The following ABCG8 variants were observed in gnomAD, a reference collection of about 807,000 sequenced individuals.
ABCG8 encodes the protein ATP binding cassette subfamily G member 8, also known as ATP-binding cassette sub-family G member 8.
A neutral mutation model predicts 71.3 loss-of-function variants in ABCG8; 81 were observed. The ratio of observed to expected loss-of-function variants is 1.14; its 90% confidence interval spans 0.95 to 1.37. The LOEUF (loss-of-function observed/expected upper bound fraction) is 1.37, where lower values mean the gene tolerates loss of function less well. ABCG8 is among the 40% of genes most tolerant of loss of function. The probability of loss-of-function intolerance (pLI) is 0.00; values close to 1 mark genes in which losing one functional copy is unlikely to be tolerated. For synonymous variants in ABCG8, 451 were observed against 354.7 expected, an observed-to-expected ratio of 1.27 and a Z score of -3.05; for missense variants, 1,119 against 866.2, an observed-to-expected ratio of 1.29 and a Z score of -3.66.
chr2:43,841,167 G>A (rs559211104), intron 1 of ABCG8, among the ~76,000 whole-genome samples: 3 of 152,198 alleles, frequency 2.0e-5, no homozygotes, highest in Admixed American at 6.5e-5. Context: ...AGCCGTGAGT[G>A]TCAGCACATC....
chr2:43,840,281 C>A (rs1389503522), intron 1 of ABCG8, among the ~76,000 whole-genome samples: 1 of 152,234 alleles, frequency 6.6e-6, no homozygotes, highest in Admixed American at 6.5e-5. Context: ...ACCACCACAT[C>A]TGACCAGCTC....
chr2:43,851,777 G>T lies in ABCG8; in HGVS notation c.516G>T (p.Gln172His). 6.2e-7 allele frequency: 1 copy of T among 1,614,234 alleles called. No homozygotes were observed. Among genetic ancestry groups the T allele is most frequent in the Non-Finnish European group, 8.5e-7 (1 of 1,180,042 alleles). ...GAGAGACCTTGGCCTTCATTGCCCA[G>T]ATGCGGCTGCCCAGAACCTTCTCCC... The part of the protein sequence containing the change: ...TVRETLAFIA[Q>H]MRLPRTFSQA... The change falls in exon 4 of 13, where the codon CAG becomes CAT. Residue 172 changes from glutamine (Q) to histidine (H), a missense_variant. Physicochemically the swap from Gln to His is conservative, Grantham distance 24 (BLOSUM62 0). Transcript: ENST00000272286.
chr2:43,861,846 A>G (rs865870987), intron 6 of ABCG8, among the ~76,000 whole-genome samples: 3 of 150,856 alleles, frequency 2.0e-5, no homozygotes, highest in Admixed American at 1.3e-4. Flanking sequence ...AACTCTCACT[A>G]TCTATCTGGA....
intron 6 of ABCG8, among the ~76,000 whole-genome samples, chr2:43,858,639 T>A (rs1669195506): frequency 6.6e-6 from 1 of 151,436 alleles, no homozygotes; most frequent in Admixed American, 6.6e-5. Flanking sequence ...GAATTCCCAC[T>A]CTCTGGATAG....
intron 6 of ABCG8, among the ~76,000 whole-genome samples, chr2:43,868,835 A>C (rs966852493): frequency 2.6e-5 from 4 of 151,780 alleles, no homozygotes; most frequent in African/African-American, 9.7e-5. Flanking sequence ...TAGAATTCTC[A>C]CTCTAGATAG....
intron 6 of ABCG8, among the ~76,000 whole-genome samples, chr2:43,864,642 C>T (rs2104935885): frequency 6.6e-6 from 1 of 151,864 alleles, no homozygotes; most frequent in Admixed American, 6.6e-5. Context: ...GTGGATAGAG[C>T]TCTCACTATC....
chr2:43,879,936 T>C lies in ABCG8; in HGVS notation c.*2023T>C, dbSNP rs1047896728. The stretch of plus-strand genomic sequence containing the variant: ...TAATAAGCATTTTGTAAGTGGGTAC[T>C]TTGAAACTATGTAAATTGTAAACTT... On this transcript the variant is annotated 3_prime_UTR_variant, in exon 13 of 13. Coordinates refer to ENST00000272286, the MANE Select transcript of ABCG8 (RefSeq NM_022437.3). 6.6e-6 allele frequency: 1 copy of C among 152,214 alleles called. No individual in the cohort carries two copies. Among genetic ancestry groups the C allele is most frequent in the Non-Finnish European group, 1.5e-5 (1 of 68,026 alleles). The allele number at this position is 152,214 out of a possible 1,614,324, so 9.4% of individuals were successfully genotyped here.
chr2:43,851,671 A>G lies in ABCG8; in HGVS notation c.410A>G (p.Gln137Arg), dbSNP rs1668919917. 6.2e-7 allele frequency: 1 copy of G among 1,614,134 alleles called. No homozygotes were observed. ...TCAGGCCAGATCTGGATCAATGGGC[A>G]GCCCAGCTCGCCTCAGCTGGTGAGG... ...IKSGQIWING[Q>R]PSSPQLVRKC... The change falls in exon 4 of 13, where the codon CAG (glutamine) becomes CGG (arginine). Residue 137 changes from glutamine (Q) to arginine (R), a missense_variant. By Grantham distance (43) the Gln-to-Arg change is conservative (BLOSUM62 1). Coordinates refer to ENST00000272286, the MANE Select transcript of ABCG8 (RefSeq NM_022437.3).
chr2:43,865,237 T>G (rs1448303163), intron 6 of ABCG8, among the ~76,000 whole-genome samples: 1 of 145,014 alleles, frequency 6.9e-6, no homozygotes, highest in East Asian at 1.9e-4. Flanking sequence ...GAACTCTCAC[T>G]ATCTGTCTAG....
intron 6 of ABCG8, among the ~76,000 whole-genome samples, chr2:43,858,779 ACTAT>A (rs1443251899): frequency 6.7e-6 from 1 of 149,474 alleles, no homozygotes. Flanking sequence ...TAGAACTCTG[ACTAT>A]CTATTTCAAT....
intron 1 of ABCG8, among the ~76,000 whole-genome samples, chr2:43,842,048 C>G (rs1431883973): frequency 6.6e-6 from 1 of 152,054 alleles, no homozygotes; most frequent in African/African-American, 2.4e-5. Context: ...ACGCTGTGGC[C>G]CAGGCTGGAG....
At chr2:43,868,874 T>C (rs1376500196) in intron 6 of ABCG8, among the ~76,000 whole-genome samples, 1 of 151,358 alleles carries the variant, frequency 6.6e-6, no homozygotes, top group Non-Finnish European at 1.5e-5. Context: ...GATAGAATTC[T>C]CCTCCTCTGG....
Position 43,839,097 on chromosome 2 carries a change from C to T in ABCG8, c.44C>T (p.Ala15Val). The T allele has an allele frequency of 6.4e-7, 1 of 1,551,214 alleles. No homozygotes were observed. ...GAGGAGAGAGGGCTGCCGAAAGGGG[C>T]CACTCCCCAGGATACCTCGGTGAGT... ...AAEERGLPKG[A>V]TPQDTSGLQD... The change falls in exon 1 of 13, where the codon GCC becomes GTC. Residue 15 changes from alanine to valine, a missense_variant. By Grantham distance (64) the Ala-to-Val change is moderately conservative (BLOSUM62 0). Coordinates refer to ENST00000272286, the MANE Select transcript of ABCG8 (RefSeq NM_022437.3).
At chr2:43,875,459 G>A (rs780642388) in intron 11 of ABCG8, 46 bp downstream of exon 11, 4 of 1,593,942 alleles carry the variant, frequency 2.5e-6, no homozygotes, top group Admixed American at 3.4e-5. Flanking sequence ...TAGGACTCAT[G>A]TGACTGGATG....
intron 3 of ABCG8, among the ~76,000 whole-genome samples, chr2:43,850,552 C>T (rs769903752): frequency 6.6e-6 from 1 of 152,000 alleles, no homozygotes; most frequent in Non-Finnish European, 1.5e-5. Flanking sequence ...ATTTAATCAC[C>T]CAGGTAGTAA....
At chr2:43,857,324 C>A (rs1669146944) in intron 6 of ABCG8, among the ~76,000 whole-genome samples, 1 of 151,666 alleles carries the variant, frequency 6.6e-6, no homozygotes, top group Non-Finnish European at 1.5e-5. Flanking sequence ...GCATAGAATT[C>A]TTACTCTCTG....
At chr2:43,870,096 G>C (rs969470946) in intron 6 of ABCG8, among the ~76,000 whole-genome samples, 4 of 151,390 alleles carry the variant, frequency 2.6e-5, no homozygotes. Flanking sequence ...TCACCATCTG[G>C]ATAGAACTCT....
intron 6 of ABCG8, among the ~76,000 whole-genome samples, chr2:43,863,694 C>A (rs1413992874): frequency 6.6e-6 from 1 of 151,622 alleles, no homozygotes; most frequent in Non-Finnish European, 1.5e-5. Flanking sequence ...AGAACTCTCA[C>A]TATCTGTCTG....
At chr2:43,876,630 G>A (rs981336625) in intron 11 of ABCG8, among the ~76,000 whole-genome samples, 1 of 148,672 alleles carries the variant, frequency 6.7e-6, no homozygotes, top group Non-Finnish European at 1.5e-5. Context: ...TGAGAATATG[G>A]GGAGACCGTG....
Sources: allele counts gnomAD v4.1 joint callset (sites outside exome capture counted in the v4.1 genomes callset), GRCh38; gene constraint gnomAD v4.1.1; transcripts MANE v1.5; gene names NCBI Gene and HGNC (gene_info 2026-07-23, HGNC 2026-07-21).